Variants in GPLD1 observed in about 807,000 individuals in gnomAD.
The protein encoded by GPLD1 is phosphatidylinositol-glycan-specific phospholipase D.
In GPLD1, 84 loss-of-function variants were observed where a neutral mutation model predicts 112.6. The observed-to-expected ratio is 0.75, with a 90% confidence interval of 0.63 to 0.89. The LOEUF is 0.89. Among genes scored for constraint, GPLD1 ranks in the 40% least tolerant of loss-of-function variants. GPLD1 has a pLI of 0.00. For synonymous variants in GPLD1, 386 were observed against 403.8 expected (o/e 0.96, Z 0.53); for missense variants, 1,044 against 1,051.5 (o/e 0.99, Z 0.10).
In GPLD1 at chr6:24,473,663, T is replaced by C; in HGVS notation, c.446A>G (p.Asp149Gly). Residue 149 changes from aspartate (D) to glycine (G), a missense_variant, in exon 6 of 25, where the codon GAT becomes GGT. Transcript: ENST00000230036. ...AGCCTCTGAATAGGAGCCGTGAAAA[T>C]CAATCTAAGAAAGAAAGAGAACCAT... Reference protein sequence around the residue: ...QGFLRTMGAIDFHGSYSEAHS... With the variant: ...QGFLRTMGAIGFHGSYSEAHS... 6.2e-7 allele frequency: 1 copy of C among 1,605,344 alleles called. No individual in the cohort carries two copies. The highest frequency in any genetic ancestry group is 8.5e-7 in the Non-Finnish European group (1 of 1,172,732).
intron 15 of GPLD1, 134 bp from the exon 16 acceptor site, chr6:24,448,342 G>A: frequency 2.6e-6 from 1 of 386,342 alleles, no homozygotes; most frequent in South Asian, 3.1e-5. Context: ...TGCTTTGGGA[G>A]GCCCAAGTGG....
At chr6:24,447,230 G>A (rs1443377902) in intron 17 of GPLD1, among the ~76,000 whole-genome samples, 2 of 152,192 alleles carry the variant, frequency 1.3e-5, no homozygotes, top group South Asian at 2.1e-4. Flanking sequence ...TCTGGGCCAG[G>A]TGCGGTGGCT....
At chr6:24,449,673 T>C (rs1763017701) in intron 15 of GPLD1, 116 bp downstream of exon 15, 2 of 699,296 alleles carry the variant, frequency 2.9e-6, no homozygotes, top group African/African-American at 1.8e-5. Context: ...ACAAATGCTC[T>C]GTCTCACACA....
At chr6:24,485,627 T>C (rs531946315) in intron 2 of GPLD1, among the ~76,000 whole-genome samples, 2 of 151,904 alleles carry the variant, frequency 1.3e-5, no homozygotes, top group South Asian at 2.1e-4. Flanking sequence ...ATAACATTAA[T>C]AACATAATAT....
chr6:24,470,591 ATTTT>A (rs747870128), intron 7 of GPLD1, among the ~76,000 whole-genome samples: 60 of 151,588 alleles, frequency 4.0e-4, no homozygotes, highest in African/African-American at 1.2e-3. Context: ...TGAATGGTAA[ATTTT>A]TTTTTCTTTT....
At chr6:24,477,512 A>T (rs975882704) in intron 3 of GPLD1, among the ~76,000 whole-genome samples, 3 of 152,050 alleles carry the variant, frequency 2.0e-5, no homozygotes, top group Admixed American at 2.0e-4. Flanking sequence ...TGAGGCCAGG[A>T]GGTTGAGACT....
At chr6:24,469,354 A>T (rs200597396) in intron 7 of GPLD1, among the ~76,000 whole-genome samples, 18,386 of 128,890 alleles carry the variant, frequency 0.14, 1,503 homozygotes, top group African/African-American at 0.21. Context: ...CATTATTCAC[A>T]ATAGCAAAGA....
At position 24,436,688 on chromosome 6, in the gene GPLD1, C is replaced by T; in HGVS notation, c.2246G>A (p.Gly749Glu). Residue 749 changes from glycine (G) to glutamate (E), a missense_variant, in exon 22 of 25, where the codon GGA becomes GAA. Physicochemically the swap from Gly to Glu is moderately conservative, Grantham distance 98. Transcript: ENST00000230036. Reference sequence around the variant, plus strand: ...TCGGCCGTCTTCTCCCCCAATCAGTCCAGAGGTTACATCTGCTATCCTCAG... The same window carrying T: ...TCGGCCGTCTTCTCCCCCAATCAGTTCAGAGGTTACATCTGCTATCCTCAG... ...APLRIADVTS[G>E]LIGGEDGRVY... 1 of 1,614,084 alleles carries T rather than the reference C, an allele frequency of 6.2e-7. No homozygotes were observed. Among genetic ancestry groups the T allele is most frequent in the Non-Finnish European group, 8.5e-7 (1 of 1,179,986 alleles).
At chr6:24,464,534 T>C (rs1206329517) in intron 10 of GPLD1, among the ~76,000 whole-genome samples, 1 of 152,242 alleles carries the variant, frequency 6.6e-6, no homozygotes, top group African/African-American at 2.4e-5. Context: ...GTCGAATTTG[T>C]CATCAAAGGG....
chr6:24,444,509 T>A (rs1462481143), intron 20 of GPLD1, among the ~76,000 whole-genome samples: 2 of 151,936 alleles, frequency 1.3e-5, no homozygotes, highest in African/African-American at 2.4e-5. Flanking sequence ...TTTTTTTTTT[T>A]AAAGACTATC....
At chr6:24,480,427 A>G (rs1764162727) in intron 2 of GPLD1, among the ~76,000 whole-genome samples, 1 of 152,116 alleles carries the variant, frequency 6.6e-6, no homozygotes, top group East Asian at 1.9e-4. Flanking sequence ...GGTTCAAGCG[A>G]TTCTCCTGCC....
chr6:24,467,359 C>A, intron 7 of GPLD1, 85 bp from the exon 8 acceptor site: 1 of 780,504 alleles, frequency 1.3e-6, no homozygotes, highest in South Asian at 1.5e-5. Flanking sequence ...CCAGTTATTC[C>A]GTGATTATTT....
rs762014234 is a variant in GPLD1, at chr6:24,495,017, G to A, written n.189C>T. ...GGGCCATGGCGACCTGCATTTGGCT[G>A]CGGAGCTGTGGGGCCCGGCGCCTCG... On this transcript the variant is annotated non_coding_transcript_exon_variant, in exon 1 of 11. Transcript: ENST00000474784. 3 of 1,329,632 alleles carry A rather than the reference G, an allele frequency of 2.3e-6. No homozygotes were observed. The highest frequency in any genetic ancestry group is 6.1e-5 in the Admixed American group (2 of 32,786). 82.4% of individuals were successfully genotyped at this position (1,329,632 alleles called of 1,614,324 possible).
chr6:24,450,748 G>A (rs758754165), intron 14 of GPLD1, among the ~76,000 whole-genome samples: 10 of 152,208 alleles, frequency 6.6e-5, no homozygotes, highest in South Asian at 4.1e-4. Flanking sequence ...AGGCCGAGGC[G>A]AGCAGATCAC....
At chr6:24,478,939 T>C (rs1299179462) in intron 3 of GPLD1, among the ~76,000 whole-genome samples, 1 of 152,190 alleles carries the variant, frequency 6.6e-6, no homozygotes, top group Non-Finnish European at 1.5e-5. Context: ...GAGACAAGTT[T>C]ACTGATAATG....
exon 1 of GPLD1, chr6:24,495,002 G>A: frequency 2.3e-6 from 3 of 1,319,692 alleles, no homozygotes; most frequent in South Asian, 2.6e-5. Flanking sequence ...GGGCCATGGC[G>A]ACCTGCATTT....
upstream of GPLD1, among the ~76,000 whole-genome samples, chr6:24,491,402 A>G (rs1337373588): frequency 6.6e-6 from 1 of 152,184 alleles, no homozygotes; most frequent in Middle Eastern, 3.2e-3. Context: ...AAAAAGCACC[A>G]AAGAAATGGG....
chr6:24,457,233 A>G (rs922279349), intron 12 of GPLD1, among the ~76,000 whole-genome samples: 2 of 152,204 alleles, frequency 1.3e-5, no homozygotes, highest in African/African-American at 4.8e-5. Flanking sequence ...TAATCCTAGC[A>G]CTTTAGGAGG....
At position 24,437,175 on chromosome 6, in the gene GPLD1, T is replaced by C. The variant is rs1229128014; in HGVS notation, c.2135A>G (p.Asp712Gly). The change falls in exon 21 of 25, where the codon GAC (aspartate) becomes GGC (glycine). Residue 712 changes from aspartate to glycine, a missense_variant. Physicochemically the swap from Asp to Gly is moderately conservative, Grantham distance 94. Transcript: ENST00000230036. Reference sequence around the variant, plus strand: ...GCCACCAAATCGGGAGAAGCGGCGGTCTCCGCTGAAGGTGCTGAGCAGCAG... The same window carrying C: ...GCCACCAAATCGGGAGAAGCGGCGGCCTCCGCTGAAGGTGCTGAGCAGCAG... ...QPLLLSTFSG[D>G]RRFSRFGGVL... 5 of 1,614,072 alleles carry C rather than the reference T, an allele frequency of 3.1e-6. No homozygotes were observed. The highest frequency in any genetic ancestry group is 1.3e-5 in the African/African-American group (1 of 74,950).
Sources: gnomAD v4.1 joint callset for allele counts (sites outside exome capture counted in the v4.1 genomes callset) on GRCh38, gnomAD v4.1.1 for gene constraint, MANE v1.5 for transcripts, NCBI Gene and HGNC (gene_info 2026-07-23, HGNC 2026-07-21) for gene names.